The following TUBGCP3 variants were observed in gnomAD, a reference collection of about 807,000 sequenced individuals.
TUBGCP3 encodes tubulin gamma complex component 3, also known as gamma-tubulin complex component 3.
Under a neutral mutation model 123.1 loss-of-function variants are expected in TUBGCP3, and 50 were observed. The ratio of observed to expected loss-of-function variants is 0.41; its 90% CI spans 0.32 to 0.51. The LOEUF is 0.51. Ranked by LOEUF, TUBGCP3 falls within the 20% of genes least tolerant of loss-of-function variation. The pLI is 0.36. For missense variants in TUBGCP3, 882 were observed against 1,127.0 expected (o/e 0.78, Z 3.11); for synonymous variants, 405 against 413.9 (o/e 0.98, Z 0.26).
At position 112,537,332 on chromosome 13, in the gene TUBGCP3, T is replaced by C. The variant is rs569815063; in HGVS notation, c.1335+8367A>G. Among the ~76,000 whole-genome samples, 13 of 152,206 alleles carry C rather than the reference T, an allele frequency of 8.5e-5. No individual in the cohort carries two copies. In the South Asian group the frequency reaches 2.5e-3, roughly 29 times the overall value. On this transcript the variant is annotated intron_variant, in intron 11 of 21. Coordinates refer to ENST00000261965, the MANE Select transcript of TUBGCP3 (RefSeq NM_006322.6). ...CCTTTATTAGTTATGTTCCTTTCTATTCCAAGTTTGACTGTTTTATCATAA... is the reference window on the plus strand; with the variant it reads ...CCTTTATTAGTTATGTTCCTTTCTACTCCAAGTTTGACTGTTTTATCATAA...
In TUBGCP3 at chr13:112,520,014, G is replaced by A; in HGVS notation, c.1753C>T (p.Leu585Phe). 1 of 1,606,358 alleles carries A rather than the reference G, an allele frequency of 6.2e-7. No individual in the cohort carries two copies. Among genetic ancestry groups the A allele is most frequent in the Non-Finnish European group, 8.5e-7 (1 of 1,177,816 alleles). ...TACAAAGTCGTAGCTGGACGGACAAGTTCTGGTCTTAACAAATTTTTTAAA... is the reference window on the plus strand; with the variant it reads ...TACAAAGTCGTAGCTGGACGGACAAATTCTGGTCTTAACAAATTTTTTAAA... ...RHLMDLLKPE[L>F]VRPATTLYQH... is the part of the protein sequence containing the mutation. The change falls in exon 15 of 22, where the codon CTT (leucine) becomes TTT (phenylalanine). Residue 585 changes from leucine (L) to phenylalanine (F), a missense_variant. By Grantham distance (22) the Leu-to-Phe change is conservative. Around this residue, in one of 3 missense-constraint regions of TUBGCP3, gnomAD observed 713 missense variants for 874.0 expected, o/e 0.82. Coordinates refer to ENST00000261965, the MANE Select transcript of TUBGCP3 (RefSeq NM_006322.6).
chr13:112,584,660 A>G (rs1882490835), intron 1 of TUBGCP3, among the ~76,000 whole-genome samples: 1 of 152,222 alleles, frequency 6.6e-6, no homozygotes, highest in Non-Finnish European at 1.5e-5. Context: ...TATGCTGTGT[A>G]CTGTAGTCAT....
Position 112,569,227 on chromosome 13 carries a change from G to A in TUBGCP3, c.109C>T (p.Arg37Trp). The A allele has an allele frequency of 6.2e-7, 1 of 1,614,022 alleles. No homozygotes were observed. Among genetic ancestry groups the A allele is most frequent in the Non-Finnish European group, 8.5e-7 (1 of 1,180,010 alleles). Reference sequence around the variant, plus strand: ...GGGGCGAAGTTGCTGCCAATCACCCGCACAGCATACTGGAACTGCTGGGCT... The same window carrying A: ...GGGGCGAAGTTGCTGCCAATCACCCACACAGCATACTGGAACTGCTGGGCT... ...DVAQQFQYAV[R>W]VIGSNFAPTV... The change falls in exon 2 of 22, where the codon CGG becomes TGG. Residue 37 changes from arginine (R) to tryptophan (W), a missense_variant. Arg to Trp is a moderately radical substitution (Grantham distance 101). Around this residue, in one of 3 missense-constraint regions of TUBGCP3, gnomAD observed 713 missense variants for 874.0 expected, o/e 0.82. Coordinates refer to ENST00000261965, the MANE Select transcript of TUBGCP3 (RefSeq NM_006322.6).
chr13:112,587,835 T>G, intron 1 of TUBGCP3, 70 bp downstream of exon 1: 1 of 1,391,810 alleles, frequency 7.2e-7, no homozygotes, highest in Non-Finnish European at 9.8e-7. Context: ...CCGGAACGTA[T>G]TAGGGCTGCA....
At chr13:112,563,485 G>A (rs1880682666) in intron 3 of TUBGCP3, among the ~76,000 whole-genome samples, 2 of 152,090 alleles carry the variant, frequency 1.3e-5, no homozygotes, top group Non-Finnish European at 2.9e-5. Context: ...TAGGGAGCGG[G>A]CCACTATTTA....
At chr13:112,600,308 T>C in the TUBGCP3 span, among the ~76,000 whole-genome samples, 1 of 152,230 alleles carries the variant, frequency 6.6e-6, no homozygotes, top group African/African-American at 2.4e-5. Context: ...GGAAGCTGTA[T>C]GATTAATGAG....
chr13:112,587,848 C>T, intron 1 of TUBGCP3, 57 bp downstream of exon 1: 1 of 1,488,450 alleles, frequency 6.7e-7, no homozygotes, highest in Non-Finnish European at 9.1e-7. Context: ...GGGCTGCACG[C>T]GCAGGGAGCA....
At chr13:112,603,135 A>G in the TUBGCP3 span, 4 of 152,328 alleles carry the variant, frequency 2.6e-5, no homozygotes, top group East Asian at 5.8e-4. Context: ...TATTTTATCA[A>G]TTGTGGATTC....
At chr13:112,527,234 T>C (rs1187672646) in intron 12 of TUBGCP3, 140 bp downstream of exon 12, 6 of 731,670 alleles carry the variant, frequency 8.2e-6, no homozygotes, top group Non-Finnish European at 8.9e-6. Context: ...ATGTATTCAA[T>C]TAACATGCAC....
chr13:112,486,085 A>C lies in TUBGCP3; in HGVS notation c.2632T>G (p.Phe878Val), dbSNP rs747327119. ...TAATGCTCGTTGAAGTCCAGCCTGA[A>C]GCTAAGAAACCGAAGACTCTCGTCA... ...SSDESLRFLS[F>V]RLDFNEHYKA... The change falls in exon 22 of 22, where the codon TTC becomes GTC. Residue 878 changes from phenylalanine to valine, a missense_variant. Physicochemically the swap from Phe to Val is conservative, Grantham distance 50. Coordinates refer to ENST00000261965, the MANE Select transcript of TUBGCP3 (RefSeq NM_006322.6). 9.3e-6 allele frequency: 15 copies of C among 1,610,482 alleles called. No individual in the cohort carries two copies.
Position 112,556,288 on chromosome 13 carries a change from A to G in TUBGCP3, c.549-64T>C, listed in dbSNP as rs1041886621. 4 of 1,511,718 alleles carry G rather than the reference A, an allele frequency of 2.6e-6. No homozygotes were observed. In the African/African-American group the frequency reaches 5.6e-5, roughly 21 times the overall value. 93.6% of individuals were successfully genotyped at this position (1,511,718 alleles called of 1,614,324 possible). ...TCGCTGAAGAGACAAAAGTGTCCCT[A>G]GAAATTTCTCTTGTATTACTATCGT... On this transcript the variant is annotated intron_variant, in intron 5 of 21. Coordinates refer to ENST00000261965, the MANE Select transcript of TUBGCP3 (RefSeq NM_006322.6).
rs1431542482 is a variant in TUBGCP3, at chr13:112,485,419, TAAG to T, written c.*571_*573del. ...ATGTAAACTCTGAAAGGAGAGAAAATAAGAATAAATATGTGTAAAGGTAATGCA... is the reference window on the plus strand; with the variant it reads ...ATGTAAACTCTGAAAGGAGAGAAAATAATAAATATGTGTAAAGGTAATGCA... On this transcript the variant is annotated 3_prime_UTR_variant, in exon 22 of 22. Transcript: ENST00000261965. 1.3e-5 allele frequency: 2 copies of T among 152,448 alleles called. No homozygotes were observed. Among genetic ancestry groups the T allele is most frequent in the East Asian group, 1.9e-4 (1 of 5,190 alleles). 9.4% of individuals were successfully genotyped at this position (152,448 alleles called of 1,614,324 possible). A position where few individuals can be genotyped will look rare whatever the true frequency, so the allele number is the denominator to read the frequency against.
At chr13:112,520,145 T>G in intron 14 of TUBGCP3, 124 bp from the exon 15 acceptor site, 12 of 812,334 alleles carry the variant, frequency 1.5e-5, no homozygotes, top group Non-Finnish European at 2.2e-5. Flanking sequence ...ATGGGACCAA[T>G]ACAATAATGC....
chr13:112,565,885 A>G (rs1880917444), intron 2 of TUBGCP3, among the ~76,000 whole-genome samples: 2 of 151,916 alleles, frequency 1.3e-5, no homozygotes, highest in Admixed American at 1.3e-4. Context: ...CAGTGAGCCA[A>G]GATCACACCA....
At chr13:112,505,619 G>A (rs1425754572) in intron 17 of TUBGCP3, among the ~76,000 whole-genome samples, 1 of 152,226 alleles carries the variant, frequency 6.6e-6, no homozygotes, top group East Asian at 1.9e-4. Context: ...AAGATCAACT[G>A]ACACCTTGCA....
chr13:112,604,257 C>G, the TUBGCP3 span: 1 of 152,090 alleles, frequency 6.6e-6, no homozygotes, highest in Non-Finnish European at 1.5e-5. Flanking sequence ...CTTTGGGTAT[C>G]TTTTAGTTTG....
intron 11 of TUBGCP3, chr13:112,544,452 C>CAAAAAAAA (rs1210946326): frequency 2.0e-5 from 1 of 49,188 alleles, no homozygotes; most frequent in Non-Finnish European, 4.0e-5. Context: ...GACTCTGTCT[C>CAAAAAAAA]AAAAAAAAAA....
At chr13:112,492,958 C>T (rs1249634388) in intron 20 of TUBGCP3, among the ~76,000 whole-genome samples, 1 of 148,636 alleles carries the variant, frequency 6.7e-6, no homozygotes, top group Admixed American at 6.7e-5. Flanking sequence ...CCTGGTGTGC[C>T]TGAGACACTC....
intron 20 of TUBGCP3, among the ~76,000 whole-genome samples, chr13:112,491,857 C>G (rs1051921460): frequency 1.3e-5 from 2 of 152,332 alleles, no homozygotes; most frequent in Non-Finnish European, 2.9e-5. Flanking sequence ...CCAGCACCCC[C>G]ACCCAGGGGC....
Sources: gnomAD v4.1 joint callset for allele counts (sites outside exome capture counted in the v4.1 genomes callset) on GRCh38, gnomAD v4.1.1 for gene constraint, gnomAD v4.1.1 regional missense constraint, MANE v1.5 for transcripts, NCBI Gene and HGNC (gene_info 2026-07-23, HGNC 2026-07-21) for gene names.